The following CABP1 variants were observed in gnomAD, a reference collection of about 807,000 sequenced individuals.
CABP1 encodes the protein calcium-binding protein 1.
CABP1 carries 17 observed loss-of-function variants against 34.3 expected under a neutral mutation model. The ratio of observed to expected loss-of-function variants is 0.50; its 90% CI spans 0.34 to 0.74. CABP1 has a LOEUF of 0.74. Ranked by LOEUF, CABP1 falls within the 30% of genes least tolerant of loss-of-function variation. The pLI is 0.01. For missense variants in CABP1, 373 were observed against 511.1 expected (o/e 0.73, Z 2.61); for synonymous variants, 198 against 229.2 (o/e 0.86, Z 1.23).
In CABP1 at chr12:120,641,882, G is replaced by A. The variant is rs867688449; in HGVS notation, c.654+543G>A. On this transcript the variant is annotated intron_variant, in intron 1 of 5. Coordinates refer to ENST00000316803, the MANE Select transcript of CABP1 (RefSeq NM_001033677.2). The surrounding 1 kb of genome is among the most constrained non-coding windows in gnomAD (Gnocchi z 6.7). ...CCAAAAATATGAGGAAAGAGAAGAG[G>A]TGTCTGGGTAGGCATGGAGGGGCAT... Among the ~76,000 whole-genome samples, 1 of 152,196 alleles carries A rather than the reference G, an allele frequency of 6.6e-6. No individual in the cohort carries two copies. The highest frequency in any genetic ancestry group is 6.5e-5 in the Admixed American group (1 of 15,284).
At chr12:120,668,111 T>C (rs929448520), downstream of CABP1, among the ~76,000 whole-genome samples, 2 of 152,166 alleles carry the variant, frequency 1.3e-5, no homozygotes, top group South Asian at 2.1e-4. Flanking sequence ...TGGCCTCCTG[T>C]AGGGAGGTCA....
Position 120,661,179 on chromosome 12 carries a change from G to C in CABP1, c.1048G>C (p.Asp350His). 6.2e-7 allele frequency: 1 copy of C among 1,612,288 alleles called. No homozygotes were observed. The highest frequency in any genetic ancestry group is 8.5e-7 in the Non-Finnish European group (1 of 1,179,984). Residue 350 changes from aspartate to histidine, a missense_variant, in exon 5 of 6, where the codon GAT becomes CAT. Physicochemically the swap from Asp to His is moderately conservative, Grantham distance 81. Coordinates refer to ENST00000316803, the MANE Select transcript of CABP1 (RefSeq NM_001033677.2). This position sits in a 1 kb window ranked among gnomAD's most constrained non-coding sequence, Gnocchi z 5.1. Reference protein sequence around the residue: ...GHRDIEEIIRDVDLNGDGRVD... With the variant: ...GHRDIEEIIRHVDLNGDGRVD... Reference sequence around the variant, plus strand: ...CCGAGACATAGAGGAAATTATCCGAGATGTGGACCTCAATGGGGATGGACG... The same window carrying C: ...CCGAGACATAGAGGAAATTATCCGACATGTGGACCTCAATGGGGATGGACG...
chr12:120,659,987 G>A, intron 2 of CABP1, 79 bp downstream of exon 2: 8 of 1,480,946 alleles, frequency 5.4e-6, no homozygotes, highest in Non-Finnish European at 7.5e-6. Context: ...GGGAAGAGAG[G>A]CCCCTGGAAA....
At chr12:120,656,292 G>A (rs972996099) in intron 1 of CABP1, 1 of 1,524,392 alleles carries the variant, frequency 6.6e-7, no homozygotes, top group African/African-American at 1.4e-5. Flanking sequence ...TTGGCCCAGT[G>A]GAGCCCGCTG....
At chr12:120,668,203 A>G (rs1261128465), downstream of CABP1, among the ~76,000 whole-genome samples, 3 of 152,202 alleles carry the variant, frequency 2.0e-5, no homozygotes, top group African/African-American at 7.2e-5. Flanking sequence ...AGATATAGAC[A>G]CAGCTGCCAC....
At chr12:120,645,547 T>C (rs1879506879) in intron 1 of CABP1, among the ~76,000 whole-genome samples, 1 of 152,092 alleles carries the variant, frequency 6.6e-6, no homozygotes, top group Admixed American at 6.6e-5. Flanking sequence ...GAGGAAGGCT[T>C]GGCCAGGCAC....
chr12:120,650,632 C>A (rs753661500), intron 1 of CABP1: 1 of 1,614,006 alleles, frequency 6.2e-7, no homozygotes, highest in East Asian at 2.2e-5. Flanking sequence ...GCTGCCTCAA[C>A]TTAGGATGGG....
the CABP1 span, among the ~76,000 whole-genome samples, chr12:120,678,950 G>A: frequency 6.6e-6 from 1 of 151,566 alleles, no homozygotes; most frequent in Non-Finnish European, 1.5e-5. Flanking sequence ...GTGTATGCCT[G>A]TAGTCGCAGC....
rs538452872 is a variant in CABP1 at position 120,666,695 on chromosome 12, G to A, written c.1088-180G>A. On this transcript the variant is annotated intron_variant, in intron 5 of 5. Transcript: ENST00000316803. Reference sequence around the variant, plus strand: ...GAGAGCTGTGGGAGGTTTACGCAGCGGTCAGATCCGCAGATTAGAACACTC... The same window carrying A: ...GAGAGCTGTGGGAGGTTTACGCAGCAGTCAGATCCGCAGATTAGAACACTC... 2.0e-5 allele frequency among the ~76,000 whole-genome samples: 3 copies of A among 152,238 alleles called. No individual in the cohort carries two copies. The East Asian group carries it at 5.8e-4, about 29-fold the overall frequency.
chr12:120,641,176 C>T lies in CABP1; in HGVS notation c.491C>T (p.Pro164Leu). 3 of 1,240,344 alleles carry T rather than the reference C, an allele frequency of 2.4e-6. No homozygotes were observed. The highest frequency in any genetic ancestry group is 1.0e-6 in the Non-Finnish European group (1 of 994,712). The allele number at this position is 1,240,344 out of a possible 1,614,324, so 76.8% of individuals were successfully genotyped here. A position where few individuals can be genotyped will look rare whatever the true frequency, so the allele number is the denominator to read the frequency against. Reference protein sequence around the residue: ...SRPSPSSPLPPARGRDGEERG... With the variant: ...SRPSPSSPLPLARGRDGEERG... ...CCTTCGCCGTCGTCGCCGCTGCCGC[C>T]GGCCCGCGGGCGGGATGGGGAGGAA... The change falls in exon 1 of 6, where the codon CCG becomes CTG. Residue 164 changes from proline to leucine, a missense_variant. Physicochemically the swap from Pro to Leu is moderately conservative, Grantham distance 98 (BLOSUM62 -3). Transcript: ENST00000316803. This position sits in a 1 kb window ranked among gnomAD's most constrained non-coding sequence, Gnocchi z 6.7.
chr12:120,672,859 G>A, the CABP1 span, among the ~76,000 whole-genome samples: 106 of 151,838 alleles, frequency 7.0e-4, no homozygotes, highest in African/African-American at 2.4e-3. Flanking sequence ...GCGAAAACCC[G>A]TCTCTACTAA....
chr12:120,644,432 T>C (rs1035873937), intron 1 of CABP1, among the ~76,000 whole-genome samples: 2 of 152,180 alleles, frequency 1.3e-5, no homozygotes, highest in Non-Finnish European at 2.9e-5. Flanking sequence ...GTACTCCCTC[T>C]TTGTGGCCAG....
chr12:120,660,098 CCT>C lies in CABP1; in HGVS notation c.686-93_686-92del, dbSNP rs1880531996. 16 of 1,493,008 alleles carry C rather than the reference CCT, an allele frequency of 1.1e-5. No homozygotes were observed. Among genetic ancestry groups the C allele is most frequent in the Admixed American group, 1.9e-5 (1 of 53,580 alleles). 92.5% of individuals were successfully genotyped at this position (1,493,008 alleles called of 1,614,324 possible). The stretch of plus-strand genomic sequence containing the variant: ...CCCAGCATCCTGGGAAGCTCCTGGG[CCT>C]CTCTTTCCATGCCGGTGGGCCTTTG... On this transcript the variant is annotated intron_variant, in intron 2 of 5. Transcript: ENST00000316803. This position sits in a 1 kb window ranked among gnomAD's most constrained non-coding sequence, Gnocchi z 5.0.
rs369904004 is a variant in CABP1 at position 120,661,647 on chromosome 12, ATCCG to A, written c.1087+433_1087+436del. 0.041 allele frequency: 6,371 copies of A among 155,814 alleles called. 180 individuals are homozygous for A. The highest frequency in any genetic ancestry group is 0.095 in the South Asian group (527 of 5,542). The allele number at this position is 155,814 out of a possible 1,614,324, so 9.7% of individuals were successfully genotyped here. On this transcript the variant is annotated intron_variant, in intron 5 of 5. Transcript: ENST00000316803. This position sits in a 1 kb window ranked among gnomAD's most constrained non-coding sequence, Gnocchi z 5.1. ...CATCCATCCATTTATCCATCCATCC[ATCCG>A]TCCATCCATTCGTCTACATATCTAT...
At chr12:120,650,643 C>T in intron 1 of CABP1, 2 of 1,613,980 alleles carry the variant, frequency 1.2e-6, no homozygotes, top group Non-Finnish European at 1.7e-6. Flanking sequence ...TTAGGATGGG[C>T]AACTGTGTCA....
the CABP1 span, among the ~76,000 whole-genome samples, chr12:120,674,974 G>T: frequency 6.6e-6 from 1 of 151,840 alleles, no homozygotes; most frequent in African/African-American, 2.4e-5. Flanking sequence ...ACTTAAGGGA[G>T]TTAAGGGATG....
chr12:120,671,456 C>G (rs370161920), downstream of CABP1, among the ~76,000 whole-genome samples: 13 of 152,246 alleles, frequency 8.5e-5, no homozygotes, highest in South Asian at 2.7e-3. Context: ...GAGAGTGTGG[C>G]CCTTTTGGGA....
At chr12:120,666,203 TAAAAAAAAA>T (rs78315987) in intron 5 of CABP1, among the ~76,000 whole-genome samples, 1 of 107,050 alleles carries the variant, frequency 9.3e-6, no homozygotes, top group East Asian at 2.7e-4. Context: ...GTCTCTACAT[TAAAAAAAAA>T]AAAAAAAAAG....
chr12:120,679,060 G>A, the CABP1 span, among the ~76,000 whole-genome samples: 3 of 115,112 alleles, frequency 2.6e-5, no homozygotes, highest in African/African-American at 1.1e-4. Context: ...GTGACAGAGT[G>A]AGACACCATC....
Sources: gnomAD v4.1 joint callset for allele counts (sites outside exome capture counted in the v4.1 genomes callset) on GRCh38, gnomAD v4.1.1 for gene constraint, Gnocchi (gnomAD v3.1) non-coding constraint, MANE v1.5 for transcripts, NCBI Gene and HGNC (gene_info 2026-07-23, HGNC 2026-07-21) for gene names.